The following ANK3 variants were observed in gnomAD, a reference collection of about 807,000 sequenced individuals.
ANK3 encodes ankyrin 3.
ANK3 carries 57 observed loss-of-function variants against 370.9 expected under a neutral mutation model. That is an observed-to-expected ratio of 0.15 (90% CI 0.12 to 0.19). ANK3 has a LOEUF of 0.19. Ranked by LOEUF, ANK3 falls within the 10% of genes least tolerant of loss-of-function variation. ANK3 has a pLI of 1.00. For missense variants in ANK3, 4,439 were observed against 5,302.1 expected (o/e 0.84, Z 5.06); for synonymous variants, 1,929 against 1,946.3 (o/e 0.99, Z 0.23).
chr10:60,569,065 C>T (rs2133262497), intron 2 of ANK3, among the ~76,000 whole-genome samples: 1 of 152,050 alleles, frequency 6.6e-6, no homozygotes, highest in South Asian at 2.1e-4. Flanking sequence ...TTTTTAATGT[C>T]AGTCCAAGCT....
intron 16 of ANK3, among the ~76,000 whole-genome samples, chr10:60,190,573 G>A (rs1313589446): frequency 1.3e-5 from 2 of 152,196 alleles, no homozygotes; most frequent in Admixed American, 1.3e-4. Context: ...GTGGTTTGGT[G>A]GAACTTCTGG....
chr10:60,288,356 T>C (rs114672918), intron 1 of ANK3, among the ~76,000 whole-genome samples: 239 of 152,314 alleles, frequency 1.6e-3, no homozygotes, highest in African/African-American at 5.6e-3. Context: ...AGATGGATGA[T>C]AATCTTTTTT....
At chr10:60,242,990 T>C (rs2097492998) in intron 7 of ANK3, among the ~76,000 whole-genome samples, 1 of 152,192 alleles carries the variant, frequency 6.6e-6, no homozygotes, top group Admixed American at 6.5e-5. Flanking sequence ...GTCACCGTAC[T>C]TACTTTGTAG....
chr10:60,634,990 C>T (rs546989116), intron 1 of ANK3, among the ~76,000 whole-genome samples: 1 of 152,278 alleles, frequency 6.6e-6, no homozygotes, highest in Admixed American at 6.5e-5. Context: ...CACAAGGGTC[C>T]GTGGCTTCAT....
intron 8 of ANK3, among the ~76,000 whole-genome samples, chr10:60,232,205 T>C (rs965623652): frequency 3.9e-5 from 6 of 152,322 alleles, no homozygotes; most frequent in African/African-American, 1.4e-4. Context: ...CATTTTGCTG[T>C]TCTGTTGATT....
chr10:60,058,377 GACAAATGTGACCAGGAAATTATTTTGGGT>G (rs1350845818), intron 41 of ANK3, among the ~76,000 whole-genome samples: 1 of 149,270 alleles, frequency 6.7e-6, no homozygotes, highest in Non-Finnish European at 1.5e-5. Context: ...TTTGGGTAAA[GACAAATGTGACCAGGAAATTATTTTGGGT>G]AAAGACAAAT....
intron 2 of ANK3, among the ~76,000 whole-genome samples, chr10:60,472,591 T>C (rs1022820205): frequency 1.3e-5 from 2 of 152,210 alleles, no homozygotes; most frequent in Non-Finnish European, 2.9e-5. Flanking sequence ...GAGTGAGATA[T>C]AGTTGCAGCA....
intron 1 of ANK3, among the ~76,000 whole-genome samples, chr10:60,688,254 C>G (rs190027936): frequency 2.6e-5 from 4 of 152,066 alleles, no homozygotes; most frequent in Admixed American, 2.0e-4. Context: ...TTAGTAGAGA[C>G]AGGGTTTTGC....
rs142577855 is a variant in ANK3, at chr10:60,076,060, T to C, written c.4821A>G (p.Glu1607=). The change falls in exon 37 of 44, where the codon GAA becomes GAG. Residue 1607 remains glutamate (E), a synonymous_variant. Transcript: ENST00000280772. ...ATGCCAGCCCTTTTAAGGGCGTAGC[T>C]TCCGTGACTGCTGGAGCTCTAGCCA... The part of the protein sequence containing the change: ...GTLARAPAVT[E]ATPLKGLASN... 32 of 1,614,216 alleles carry C rather than the reference T, an allele frequency of 2.0e-5. No homozygotes were observed. The African/African-American group carries it at 4.1e-4, about 21-fold the overall frequency.
chr10:60,080,296 T>A (rs2084886302), intron 36 of ANK3, among the ~76,000 whole-genome samples: 4 of 152,242 alleles, frequency 2.6e-5, no homozygotes, highest in Admixed American at 2.6e-4. Flanking sequence ...AAGTAATACA[T>A]GTTTCTAATT....
intron 23 of ANK3, among the ~76,000 whole-genome samples, chr10:60,147,163 G>A (rs1293279728): frequency 6.6e-6 from 1 of 152,142 alleles, no homozygotes; most frequent in African/African-American, 2.4e-5. Context: ...TCTGCTTCAG[G>A]AGGTTCCTGC....
intron 2 of ANK3, among the ~76,000 whole-genome samples, chr10:60,577,500 A>C (rs191026818): frequency 1.6e-3 from 239 of 152,136 alleles, no homozygotes; most frequent in African/African-American, 5.6e-3. Context: ...GATAGTGAAT[A>C]AGTCTCATGA....
intron 1 of ANK3, among the ~76,000 whole-genome samples, chr10:60,367,613 A>C (rs2059564054): frequency 6.6e-6 from 1 of 152,200 alleles, no homozygotes; most frequent in African/African-American, 2.4e-5. Context: ...GATCATCAGC[A>C]CACTGCAAAA....
At chr10:60,500,912 C>T (rs1362742062) in intron 2 of ANK3, among the ~76,000 whole-genome samples, 8 of 152,082 alleles carry the variant, frequency 5.3e-5, no homozygotes, top group Non-Finnish European at 1.0e-4. Context: ...GTAATTATAT[C>T]CTGTTATTAA....
At chr10:60,634,051 C>A (rs1047252448) in intron 1 of ANK3, among the ~76,000 whole-genome samples, 1 of 152,190 alleles carries the variant, frequency 6.6e-6, no homozygotes, top group African/African-American at 2.4e-5. Flanking sequence ...ATAAAGTCTG[C>A]ATGGAGTTCA....
At chr10:60,653,503 T>C (rs769207618) in intron 1 of ANK3, among the ~76,000 whole-genome samples, 11 of 152,190 alleles carry the variant, frequency 7.2e-5, no homozygotes, top group Non-Finnish European at 1.3e-4. Context: ...GTTCCACTGA[T>C]GCATGTATCT....
chr10:60,037,252 G>GT (rs1008006439), intron 43 of ANK3, among the ~76,000 whole-genome samples: 9 of 151,940 alleles, frequency 5.9e-5, no homozygotes, highest in Non-Finnish European at 1.0e-4. Flanking sequence ...GTGCTCTTGT[G>GT]TTTTTTTTAA....
intron 26 of ANK3, among the ~76,000 whole-genome samples, chr10:60,111,535 T>C (rs536475839): frequency 2.6e-5 from 4 of 152,346 alleles, no homozygotes; most frequent in Non-Finnish European, 5.9e-5. Flanking sequence ...TATAATAATA[T>C]TTGTATCATT....
At position 60,069,284 on chromosome 10, in the gene ANK3, G is replaced by C. The variant is rs1345521070; in HGVS notation, c.11597C>G (p.Pro3866Arg). ...ATCTTTTGGTGAAGTGGCCTTTATG[G>C]GAAGTTTGGATTTTTGCCTAATCCC... ...LIGIRQKSKL[P>R]IKATSPKDTF... Residue 3866 changes from proline (P) to arginine (R), a missense_variant, in exon 37 of 44, where the codon CCC becomes CGC. Around this residue, in one of 13 missense-constraint regions of ANK3, gnomAD observed 496 missense variants for 529.3 expected, o/e 0.94. Coordinates refer to ENST00000280772, the MANE Select transcript of ANK3 (RefSeq NM_020987.5). The C allele has an allele frequency of 2.5e-6, 4 of 1,613,920 alleles. No individual in the cohort carries two copies.
Sources: allele counts gnomAD v4.1 joint callset (sites outside exome capture counted in the v4.1 genomes callset), GRCh38; gene constraint gnomAD v4.1.1; regional missense constraint gnomAD v4.1.1; transcripts MANE v1.5; gene names NCBI Gene and HGNC (gene_info 2026-07-23, HGNC 2026-07-21).